Variants in ISM1 observed in about 807,000 individuals in gnomAD.
ISM1 encodes the protein isthmin-1.
A neutral mutation model predicts 46.3 loss-of-function variants in ISM1; 25 were observed. The ratio of observed to expected loss-of-function variants is 0.54; its 90% confidence interval spans 0.39 to 0.75. The LOEUF (loss-of-function observed/expected upper bound fraction) is 0.75, where lower values mean the gene tolerates loss of function less well. Ranked by LOEUF, ISM1 falls within the 30% of genes least tolerant of loss-of-function variation. The pLI is 0.00. For missense variants in ISM1, 536 were observed against 625.4 expected (o/e 0.86, Z 1.52); for synonymous variants, 255 against 256.7 (o/e 0.99, Z 0.06).
At chr20:13,306,564 C>CAAAAAAAAAAAAAAAAAAAAAAAGA in the ISM1 span, among the ~76,000 whole-genome samples, 5 of 63,906 alleles carry the variant, frequency 7.8e-5, no homozygotes, top group African/African-American at 1.4e-4. Flanking sequence ...GGAGAAAGGA[C>CAAAAAAAAAAAAAAAAAAAAAAAGA]AAAAAAAAAA....
chr20:13,281,794 T>C (rs1438857791), intron 3 of ISM1, among the ~76,000 whole-genome samples: 1 of 152,216 alleles, frequency 6.6e-6, no homozygotes, highest in Non-Finnish European at 1.5e-5. Flanking sequence ...TGCACAGCGT[T>C]TGTGGCTTCA....
chr20:13,298,713 T>C (rs1019293044), intron 5 of ISM1, among the ~76,000 whole-genome samples: 2 of 152,154 alleles, frequency 1.3e-5, no homozygotes, highest in Non-Finnish European at 2.9e-5. Context: ...TTGTGAATAA[T>C]GAAGTTCCCA....
At chr20:13,227,328 C>T (rs1413159706) in intron 1 of ISM1, among the ~76,000 whole-genome samples, 2 of 151,606 alleles carry the variant, frequency 1.3e-5, no homozygotes, top group Admixed American at 6.6e-5. Flanking sequence ...CTCAGCCTCC[C>T]GAGTAGCTGG....
intron 1 of ISM1, among the ~76,000 whole-genome samples, chr20:13,256,840 A>G (rs2039935078): frequency 6.6e-6 from 1 of 152,190 alleles, no homozygotes; most frequent in South Asian, 2.1e-4. Context: ...GAAGCTTTGA[A>G]AGCCAATCGG....
intron 1 of ISM1, among the ~76,000 whole-genome samples, chr20:13,259,186 C>T (rs903187465): frequency 2.6e-5 from 4 of 151,524 alleles, no homozygotes; most frequent in Non-Finnish European, 5.9e-5. Flanking sequence ...GAGGCTGAGG[C>T]AGGAGAATCG....
At chr20:13,301,112 G>A (rs973583579), downstream of ISM1, among the ~76,000 whole-genome samples, 2 of 151,946 alleles carry the variant, frequency 1.3e-5, no homozygotes, top group Non-Finnish European at 2.9e-5. Context: ...TTATATTCCC[G>A]GTACCTTTGG....
intron 1 of ISM1, among the ~76,000 whole-genome samples, chr20:13,257,653 T>C (rs1166622280): frequency 6.6e-6 from 1 of 151,988 alleles, no homozygotes; most frequent in Non-Finnish European, 1.5e-5. Context: ...AAAAAGTCAT[T>C]ACACTGCACA....
the ISM1 span, among the ~76,000 whole-genome samples, chr20:13,305,796 T>C: frequency 1.6e-4 from 25 of 152,248 alleles, no homozygotes; most frequent in Non-Finnish European, 2.6e-4. Flanking sequence ...CAATTCTTGG[T>C]TGAATCCCAC....
At chr20:13,267,699 A>T (rs935842668) in intron 1 of ISM1, among the ~76,000 whole-genome samples, 1 of 152,216 alleles carries the variant, frequency 6.6e-6, no homozygotes, top group Non-Finnish European at 1.5e-5. Context: ...TTTTTCAGAC[A>T]TCTAGGCAAA....
At chr20:13,238,491 C>G (rs2039679535) in intron 1 of ISM1, among the ~76,000 whole-genome samples, 1 of 152,124 alleles carries the variant, frequency 6.6e-6, no homozygotes, top group African/African-American at 2.4e-5. Flanking sequence ...ATCGATTATA[C>G]ATAGTTCCCC....
chr20:13,299,156 T>C lies in ISM1; in HGVS notation c.1092T>C (p.Thr364=). Reference sequence around the variant, plus strand: ...AGAAGCTGGAGATCTACAAGCCCACTGCCCGGTACTGCATCCGCTCCATGC... The same window carrying C: ...AGAAGCTGGAGATCTACAAGCCCACCGCCCGGTACTGCATCCGCTCCATGC... The part of the protein sequence containing the change: ...PKEKLEIYKP[T]ARYCIRSMLS... The change falls in exon 6 of 6, where the codon ACT becomes ACC. Residue 364 remains threonine (T), a synonymous_variant. Transcript: ENST00000262487. This position sits in a 1 kb window ranked among gnomAD's most constrained non-coding sequence, Gnocchi z 5.8. 2.5e-6 allele frequency: 4 copies of C among 1,611,090 alleles called. No homozygotes were observed. The highest frequency in any genetic ancestry group is 3.4e-6 in the Non-Finnish European group (4 of 1,178,778).
intron 1 of ISM1, 54 bp downstream of exon 1, chr20:13,221,968 CG>C: frequency 1.5e-6 from 2 of 1,294,156 alleles, no homozygotes; most frequent in East Asian, 3.2e-5. Context: ...GTTTGTGGGG[CG>C]GGGGTGCTGA....
intron 2 of ISM1, among the ~76,000 whole-genome samples, chr20:13,271,407 A>T (rs1314949821): frequency 1.3e-5 from 2 of 152,216 alleles, no homozygotes; most frequent in Non-Finnish European, 2.9e-5. Context: ...TGGGGTTAAA[A>T]ATAATAACTC....
At chr20:13,234,934 G>A (rs1337712903) in intron 1 of ISM1, among the ~76,000 whole-genome samples, 1 of 152,114 alleles carries the variant, frequency 6.6e-6, no homozygotes, top group Admixed American at 6.6e-5. Context: ...TTTTGACAAG[G>A]TCCCCAGATT....
At chr20:13,307,343 T>A in the ISM1 span, among the ~76,000 whole-genome samples, 2 of 152,300 alleles carry the variant, frequency 1.3e-5, no homozygotes, top group South Asian at 4.1e-4. Context: ...AGTTCACGGC[T>A]CAATGAATTT....
At chr20:13,317,657 C>A in the ISM1 span, among the ~76,000 whole-genome samples, 25 of 152,024 alleles carry the variant, frequency 1.6e-4, no homozygotes, top group Admixed American at 8.5e-4. Context: ...AGTCAGTTGA[C>A]CTTTGACAAG....
intron 1 of ISM1, among the ~76,000 whole-genome samples, chr20:13,253,757 A>C (rs1355877860): frequency 2.0e-5 from 3 of 152,090 alleles, no homozygotes; most frequent in African/African-American, 7.2e-5. Flanking sequence ...ACTCAGTATC[A>C]TTATCAGTTT....
At chr20:13,278,415 A>G (rs1026336369) in intron 2 of ISM1, among the ~76,000 whole-genome samples, 2 of 152,140 alleles carry the variant, frequency 1.3e-5, no homozygotes, top group Admixed American at 6.5e-5. Context: ...AGGAGCTTGT[A>G]CTTATGTCTC....
chr20:13,307,236 G>A, the ISM1 span, among the ~76,000 whole-genome samples: 3 of 152,216 alleles, frequency 2.0e-5, no homozygotes, highest in African/African-American at 7.2e-5. Context: ...CCCTCTTATA[G>A]CCAATTGGCC....
Sources: gnomAD v4.1 joint callset for allele counts (sites outside exome capture counted in the v4.1 genomes callset) on GRCh38, gnomAD v4.1.1 for gene constraint, Gnocchi (gnomAD v3.1) non-coding constraint, MANE v1.5 for transcripts, NCBI Gene and HGNC (gene_info 2026-07-23, HGNC 2026-07-21) for gene names.